The following AHDC1 variants were observed in gnomAD, a reference collection of about 807,000 sequenced individuals.
The protein encoded by AHDC1 is AT-hook DNA binding motif containing 1, also known as transcription factor Gibbin.
AHDC1 carries 7 observed loss-of-function variants against 87.9 expected under a neutral mutation model. That is an observed-to-expected ratio of 0.08 (90% confidence interval 0.05 to 0.15). The LOEUF is 0.15. Ranked by LOEUF, AHDC1 falls within the 10% of genes least tolerant of loss-of-function variation. The pLI, the probability that AHDC1 is intolerant of heterozygous loss-of-function variation, is 1.00. For synonymous variants in AHDC1, 1,051 were observed against 1,006.8 expected, an observed-to-expected ratio of 1.04 and a Z score of -0.83; for missense variants, 1,841 against 2,253.2, an observed-to-expected ratio of 0.82 and a Z score of 3.70.
intron 5 of AHDC1, among the ~76,000 whole-genome samples, chr1:27,556,278 G>A (rs2019813457): frequency 7.5e-6 from 1 of 132,918 alleles, no homozygotes; most frequent in African/African-American, 2.7e-5. Flanking sequence ...GCCAGCCCCA[G>A]CTCTCACTTC....
rs1334013402 is a variant in AHDC1 at position 27,548,192 on chromosome 1, G to A, written c.3924C>T (p.Asp1308=). ...AGTAGTCCAGGCCGAGGTCAGGACTGTCCTGGAACAGTGGGTTGACTGGCT... is the reference window on the plus strand; with the variant it reads ...AGTAGTCCAGGCCGAGGTCAGGACTATCCTGGAACAGTGGGTTGACTGGCT... The part of the protein sequence containing the change: ...KPQPVNPLFQ[D]SPDLGLDYYS... The change falls in exon 8 of 9, where the codon GAC becomes GAT. Residue 1308 remains aspartate (D), a synonymous_variant. Transcript: ENST00000673934. The A allele has an allele frequency of 1.2e-5, 19 of 1,613,610 alleles. No homozygotes were observed. Among genetic ancestry groups the A allele is most frequent in the Non-Finnish European group, 1.6e-5 (19 of 1,180,048 alleles).
chr1:27,549,302 G>A lies in AHDC1; in HGVS notation c.2814C>T (p.Cys938=). The change falls in exon 8 of 9, where the codon TGC becomes TGT. Residue 938 remains cysteine, a synonymous_variant. Coordinates refer to ENST00000673934, the MANE Select transcript of AHDC1 (RefSeq NM_001371928.1). ...GCTTGGGGAAGGTCTCGGCTGCCCG[G>A]CAGTCTGAAGCGGCTGGAGTTAGCC... ...SYGLTPAASD[C]RAAETFPKLV... The A allele has an allele frequency of 6.2e-7, 1 of 1,605,900 alleles. No homozygotes were observed. The highest frequency in any genetic ancestry group is 8.5e-7 in the Non-Finnish European group (1 of 1,174,282).
rs1484620516 is a variant in AHDC1 at position 27,549,923 on chromosome 1, T to C, written c.2193A>G (p.Val731=). The change falls in exon 8 of 9, where the codon GTA becomes GTG. Residue 731 remains valine (V), a synonymous_variant. Coordinates refer to ENST00000673934, the MANE Select transcript of AHDC1 (RefSeq NM_001371928.1). ...GCTTTGGCTTCCCAGTCACAGCGTCTACCTCCCCCCGGCCCCGTTTGCGTG... is the reference window on the plus strand; with the variant it reads ...GCTTTGGCTTCCCAGTCACAGCGTCCACCTCCCCCCGGCCCCGTTTGCGTG... ...GHPRKRGRGE[V]DAVTGKPKRK... The C allele has an allele frequency of 6.2e-7, 1 of 1,613,484 alleles. No homozygotes were observed. The highest frequency in any genetic ancestry group is 8.5e-7 in the Non-Finnish European group (1 of 1,179,818).
chr1:27,596,006 T>G (rs1205011445), intron 3 of AHDC1, among the ~76,000 whole-genome samples: 1 of 151,900 alleles, frequency 6.6e-6, no homozygotes, highest in African/African-American at 2.4e-5. Context: ...TTAGAAGGTG[T>G]TGGGAGCTGT....
chr1:27,548,561 G>A lies in AHDC1; in HGVS notation c.3555C>T (p.Ala1185=), dbSNP rs896728920. ...CCTCACTACTTGAGGCCTCGCTGTTGGCACGCCGAAACCCCCCGCCACCAA... is the reference window on the plus strand; with the variant it reads ...CCTCACTACTTGAGGCCTCGCTGTTAGCACGCCGAAACCCCCCGCCACCAA... ...QPVGGGGFRR[A]NSEASSSEGQ... Residue 1185 remains alanine, a synonymous_variant, in exon 8 of 9, where the codon GCC becomes GCT. Transcript: ENST00000673934. The A allele has an allele frequency of 1.2e-6, 2 of 1,613,578 alleles. No individual in the cohort carries two copies. The highest frequency in any genetic ancestry group is 2.2e-5 in the East Asian group (1 of 44,886).
intron 3 of AHDC1, among the ~76,000 whole-genome samples, chr1:27,573,806 G>A (rs992493381): frequency 6.6e-6 from 1 of 152,228 alleles, no homozygotes; most frequent in Non-Finnish European, 1.5e-5. Flanking sequence ...TGAGTAAAGA[G>A]GTGTTCTGCC....
At chr1:27,536,358 G>A (rs1184985875) in intron 8 of AHDC1, among the ~76,000 whole-genome samples, 1 of 152,260 alleles carries the variant, frequency 6.6e-6, no homozygotes, top group Non-Finnish European at 1.5e-5. Context: ...GTGGCAGGCA[G>A]AGGCATAGGA....
In AHDC1 at chr1:27,550,857, G is replaced by A. The variant is rs746473906; in HGVS notation, c.1259C>T (p.Thr420Met). 10 of 1,577,984 alleles carry A rather than the reference G, an allele frequency of 6.3e-6. No individual in the cohort carries two copies. The highest frequency in any genetic ancestry group is 4.6e-5 in the East Asian group (2 of 43,412). ...TTCGGCCAGGGCAGCCACCAGCCCC[G>A]TGGGCATAGGCAGGGGCAGTAGGCG... Reference protein sequence around the residue: ...EGRLLPLPMPTGLVAALAEPP... With the variant: ...EGRLLPLPMPMGLVAALAEPP... The change falls in exon 8 of 9, where the codon ACG (threonine) becomes ATG (methionine). Residue 420 changes from threonine (T) to methionine (M), a missense_variant. This residue lies in a region of AHDC1 where 370 missense variants were observed against 391.5 expected (regional missense o/e 0.95). Coordinates refer to ENST00000673934, the MANE Select transcript of AHDC1 (RefSeq NM_001371928.1).
chr1:27,595,450 C>CTGTGTG lies in AHDC1; in HGVS notation c.-629+7941_-629+7946dup, dbSNP rs372265193. The stretch of plus-strand genomic sequence containing the variant: ...GGTTGATATGCTGAGGGTGTGATAG[C>CTGTGTG]TGTGTGTGTGTGTGTGTGTGATTGT... On this transcript the variant is annotated intron_variant, in intron 3 of 8. Transcript: ENST00000673934. This position sits in a 1 kb window ranked among gnomAD's most constrained non-coding sequence, Gnocchi z 4.0. Among the ~76,000 whole-genome samples the CTGTGTG allele has an allele frequency of 5.9e-4, 85 of 144,788 alleles. No individual in the cohort carries two copies. The highest frequency in any genetic ancestry group is 2.0e-3 in the African/African-American group (76 of 38,826). The allele number at this position is 144,788 out of a possible 152,430, so 95.0% of individuals were successfully genotyped here.
intron 3 of AHDC1, among the ~76,000 whole-genome samples, chr1:27,592,508 C>T (rs956320496): frequency 6.6e-6 from 1 of 152,190 alleles, no homozygotes; most frequent in East Asian, 1.9e-4. Flanking sequence ...CACTTCAGCT[C>T]GGCATCCTGC....
At chr1:27,552,400 CT>C (rs750916427) in intron 7 of AHDC1, 25,894 of 269,598 alleles carry the variant, frequency 0.096, 2 homozygotes, top group Middle Eastern at 0.16. Flanking sequence ...CCCAGTTTCA[CT>C]TTTTTTTTTT....
In AHDC1 at chr1:27,568,766, G is replaced by A. The variant is rs979159673; in HGVS notation, c.-628-9883C>T. The stretch of plus-strand genomic sequence containing the variant: ...CGCCCCTCAGGTGGGAGCCTGCGGC[G>A]GGCCGGGCCGGGCCGGGGCGCTCTT... On this transcript the variant is annotated intron_variant, in intron 3 of 8. Transcript: ENST00000673934. 3.4e-4 allele frequency among the ~76,000 whole-genome samples: 52 copies of A among 151,754 alleles called. No individual in the cohort carries two copies. The South Asian group carries it at 0.011, about 32-fold the overall frequency.
chr1:27,586,926 G>A (rs972205217), intron 3 of AHDC1, among the ~76,000 whole-genome samples: 1 of 152,206 alleles, frequency 6.6e-6, no homozygotes, highest in African/African-American at 2.4e-5. Context: ...GGGGCTTGGA[G>A]TCAGGTCTCG....
chr1:27,546,859 C>G (rs2019190757), intron 8 of AHDC1, among the ~76,000 whole-genome samples: 1 of 152,210 alleles, frequency 6.6e-6, no homozygotes, highest in African/African-American at 2.4e-5. Context: ...CTTCTCCCTT[C>G]ACCTGTCTCA....
rs2019936009 is a variant in AHDC1, at chr1:27,558,723, A to G, written c.-468T>C. The stretch of plus-strand genomic sequence containing the variant: ...ACTGTTACCTGAGCAGGCTGCGAAG[A>G]TAGGCTGGGCTCAGCAGGAAAGGCC... On this transcript the variant is annotated 5_prime_UTR_variant, in exon 4 of 9. Coordinates refer to ENST00000673934, the MANE Select transcript of AHDC1 (RefSeq NM_001371928.1). This position sits in a 1 kb window ranked among gnomAD's most constrained non-coding sequence, Gnocchi z 5.6. 1 of 398,532 alleles carries G rather than the reference A, an allele frequency of 2.5e-6. No individual in the cohort carries two copies. The allele number at this position is 398,532 out of a possible 1,614,324, so 24.7% of individuals were successfully genotyped here. A position where few individuals can be genotyped will look rare whatever the true frequency, so the allele number is the denominator to read the frequency against.
Position 27,551,454 on chromosome 1 carries a change from G to A in AHDC1, c.662C>T (p.Ala221Val), listed in dbSNP as rs538241727. ...AGGCTCTGGGGGCAGACCCGTGGCC[G>A]CAGCCGTGGCTCCGGGACTATGGCC... ...GQGHSPGATA[A>V]ATGLPPEPEP... Residue 221 changes from alanine to valine, a missense_variant, in exon 8 of 9, where the codon GCG becomes GTG. This residue lies in a region of AHDC1 where 370 missense variants were observed against 391.5 expected (regional missense o/e 0.95). Transcript: ENST00000673934. The A allele has an allele frequency of 6.2e-6, 10 of 1,611,456 alleles. No individual in the cohort carries two copies. Among genetic ancestry groups the A allele is most frequent in the African/African-American group, 1.3e-5 (1 of 75,052 alleles).
chr1:27,602,389 T>TG (rs745644641), intron 3 of AHDC1, among the ~76,000 whole-genome samples: 101 of 152,246 alleles, frequency 6.6e-4, no homozygotes, highest in Admixed American at 1.0e-3. Flanking sequence ...GGCAGGAGGC[T>TG]GGGGGGTCAG....
chr1:27,563,680 C>A lies in AHDC1; in HGVS notation c.-628-4797G>T, dbSNP rs115252024. On this transcript the variant is annotated intron_variant, in intron 3 of 8. Coordinates refer to ENST00000673934, the MANE Select transcript of AHDC1 (RefSeq NM_001371928.1). The surrounding 1 kb of genome is among the most constrained non-coding windows in gnomAD (Gnocchi z 6.1). ...CCACACATTGCCCCAGTGACAAACA[C>A]CACTGGCCCCAGAGGAGGTGAAGGC... Among the ~76,000 whole-genome samples, 912 of 152,346 alleles carry A rather than the reference C, an allele frequency of 6.0e-3. 6 individuals are homozygous for A. The highest frequency in any genetic ancestry group is 0.02 in the African/African-American group (849 of 41,582).
rs138012132 is a variant in AHDC1, at chr1:27,534,437, C to G, written c.*523G>C. ...GCAAGAGGTTCTTCTCCCTCCCCCC[C>G]ACCATGCGAATTTGCACACCACGGG... On this transcript the variant is annotated 3_prime_UTR_variant, in exon 9 of 9. Transcript: ENST00000673934. 4,280 of 151,920 alleles carry G rather than the reference C, an allele frequency of 0.028. 80 individuals are homozygous for G. Among genetic ancestry groups the G allele is most frequent in the Non-Finnish European group, 0.039 (2,667 of 67,940 alleles). The allele number at this position is 151,920 out of a possible 1,614,324, so 9.4% of individuals were successfully genotyped here. A position where few individuals can be genotyped will look rare whatever the true frequency, so the allele number is the denominator to read the frequency against.
Sources: allele counts gnomAD v4.1 joint callset (sites outside exome capture counted in the v4.1 genomes callset), GRCh38; gene constraint gnomAD v4.1.1; regional missense constraint gnomAD v4.1.1; non-coding constraint Gnocchi (gnomAD v3.1); transcripts MANE v1.5; gene names NCBI Gene and HGNC (gene_info 2026-07-23, HGNC 2026-07-21).